Variants in NPY2R observed in about 807,000 individuals in gnomAD.
The protein encoded by NPY2R is neuropeptide Y receptor Y2.
Under a neutral mutation model 22.3 loss-of-function variants are expected in NPY2R, and 17 were observed. That is an observed-to-expected ratio of 0.76 (90% CI 0.52 to 1.14). The LOEUF is 1.14. NPY2R is among the 50% of genes most tolerant of loss of function. The pLI, the probability that NPY2R is intolerant of heterozygous loss-of-function variation, is 0.00. For synonymous variants in NPY2R, 209 were observed against 183.4 expected (o/e 1.14, Z -1.13); for missense variants, 424 against 467.9 (o/e 0.91, Z 0.87).
the NPY2R span, among the ~76,000 whole-genome samples, chr4:155,187,711 C>T: frequency 2.3e-4 from 35 of 152,154 alleles, no homozygotes; most frequent in East Asian, 6.6e-3. Context: ...CAGCATGTGT[C>T]AAATATTTTC....
chr4:155,205,862 C>A (rs2111028775), upstream of NPY2R, among the ~76,000 whole-genome samples: 1 of 141,200 alleles, frequency 7.1e-6, no homozygotes, highest in South Asian at 2.3e-4. Context: ...TCTATGATTT[C>A]TTATTTATTT....
the NPY2R span, among the ~76,000 whole-genome samples, chr4:155,203,326 A>C: frequency 6.6e-6 from 1 of 152,250 alleles, no homozygotes; most frequent in East Asian, 1.9e-4. Flanking sequence ...AGCCTATGAG[A>C]TTTGTGAAGT....
the NPY2R span, chr4:155,174,126 C>T: frequency 6.6e-6 from 1 of 151,836 alleles, no homozygotes; most frequent in African/African-American, 2.4e-5. Context: ...TTCTGGCTTT[C>T]TGATCAGAGT....
At chr4:155,211,256 G>T (rs561307565) in intron 1 of NPY2R, among the ~76,000 whole-genome samples, 15 of 152,330 alleles carry the variant, frequency 9.8e-5, no homozygotes, top group African/African-American at 2.4e-4. Flanking sequence ...TCTTCAAAGA[G>T]ATTGCTGTGG....
the NPY2R span, among the ~76,000 whole-genome samples, chr4:155,203,334 A>G: frequency 6.6e-6 from 1 of 152,154 alleles, no homozygotes; most frequent in African/African-American, 2.4e-5. Flanking sequence ...AGATTTGTGA[A>G]GTTCACGATT....
At chr4:155,185,669 A>AT in the NPY2R span, among the ~76,000 whole-genome samples, 7,351 of 146,580 alleles carry the variant, frequency 0.05, 521 homozygotes, top group African/African-American at 0.16. Context: ...AAAGAAATGC[A>AT]TTTTTTTTTT....
At chr4:155,184,479 C>A in the NPY2R span, among the ~76,000 whole-genome samples, 1 of 152,114 alleles carries the variant, frequency 6.6e-6, no homozygotes. Flanking sequence ...GGCTAAAAAA[C>A]AAAGCTAAGT....
the NPY2R span, among the ~76,000 whole-genome samples, chr4:155,182,165 C>T: frequency 3.3e-4 from 51 of 152,248 alleles, no homozygotes; most frequent in African/African-American, 1.1e-3. Context: ...AATTATATAA[C>T]TCCTCGATTC....
At chr4:155,198,857 C>T in the NPY2R span, among the ~76,000 whole-genome samples, 1 of 151,826 alleles carries the variant, frequency 6.6e-6, no homozygotes, top group East Asian at 1.9e-4. Context: ...TAGCTCTCCA[C>T]ACTTCCTTCC....
At chr4:155,176,813 C>A in the NPY2R span, among the ~76,000 whole-genome samples, 2 of 152,114 alleles carry the variant, frequency 1.3e-5, no homozygotes, top group African/African-American at 4.8e-5. Context: ...GACCCAGTGT[C>A]CCTTCCAAAA....
Position 155,214,756 on chromosome 4 carries a change from G to A in NPY2R, c.817G>A (p.Val273Met), listed in dbSNP as rs1729478966. Residue 273 changes from valine to methionine, a missense_variant, in exon 2 of 2, where the codon GTG becomes ATG. Val to Met is a conservative substitution (Grantham distance 21). Transcript: ENST00000329476. Reference sequence around the variant, plus strand: ...AAAAACCACCAAAATGCTGGTGTGTGTGGTGGTGGTGTTTGCGGTCAGCTG... The same window carrying A: ...AAAAACCACCAAAATGCTGGTGTGTATGGTGGTGGTGTTTGCGGTCAGCTG... ...RQKTTKMLVC[V>M]VVVFAVSWLP... 5.6e-6 allele frequency: 9 copies of A among 1,614,140 alleles called. No individual in the cohort carries two copies. The highest frequency in any genetic ancestry group is 7.6e-6 in the Non-Finnish European group (9 of 1,179,946).
chr4:155,176,905 A>T, the NPY2R span, among the ~76,000 whole-genome samples: 1 of 152,120 alleles, frequency 6.6e-6, no homozygotes, highest in Non-Finnish European at 1.5e-5. Flanking sequence ...GAGGATGAAC[A>T]CTGTGTTCCC....
the NPY2R span, among the ~76,000 whole-genome samples, chr4:155,174,760 A>T: frequency 1.3e-5 from 2 of 151,922 alleles, no homozygotes; most frequent in Non-Finnish European, 2.9e-5. Context: ...GGAAGTGCAA[A>T]TTTGGAGAGT....
upstream of NPY2R, among the ~76,000 whole-genome samples, chr4:155,204,014 C>T (rs1190223092): frequency 6.6e-6 from 1 of 152,156 alleles, no homozygotes; most frequent in Admixed American, 6.5e-5. Flanking sequence ...TGTGCTCTTC[C>T]TCCCTTCCTC....
In NPY2R at chr4:155,213,922, A is replaced by T. The variant is rs779755977; in HGVS notation, c.-18A>T. The T allele has an allele frequency of 3.1e-6, 5 of 1,610,802 alleles. No homozygotes were observed. In the African/African-American group the frequency reaches 6.7e-5, roughly 22 times the overall value. On this transcript the variant is annotated 5_prime_UTR_variant, in exon 2 of 2. It adds an upstream start codon to the 5' untranslated region. Coordinates refer to ENST00000329476, the MANE Select transcript of NPY2R (RefSeq NM_000910.4). ...AGACTCTTGTGCTGGTTGCAGGCCA[A>T]GTGGACCTGTACTGAAAATGGGTCC...
At chr4:155,180,846 CAT>C in the NPY2R span, among the ~76,000 whole-genome samples, 15 of 151,284 alleles carry the variant, frequency 9.9e-5, no homozygotes, top group Non-Finnish European at 1.5e-4. Context: ...CATTTTAAAA[CAT>C]ATTTATTTAT....
At chr4:155,196,743 G>T in the NPY2R span, among the ~76,000 whole-genome samples, 17 of 151,948 alleles carry the variant, frequency 1.1e-4, no homozygotes, top group Admixed American at 4.6e-4. Flanking sequence ...CCCTGTGAGT[G>T]CCTTCCAGAT....
chr4:155,195,181 C>T, the NPY2R span, among the ~76,000 whole-genome samples: 1 of 151,994 alleles, frequency 6.6e-6, no homozygotes, highest in African/African-American at 2.4e-5. Context: ...AACTCTGCAG[C>T]AGCTTCTGAA....
intron 1 of NPY2R, among the ~76,000 whole-genome samples, chr4:155,212,235 G>A (rs548325632): frequency 2.0e-5 from 3 of 152,230 alleles, no homozygotes; most frequent in South Asian, 4.2e-4. Context: ...ATGAACAGTG[G>A]CAGCCTTTTG....
Sources: gnomAD v4.1 joint callset for allele counts (sites outside exome capture counted in the v4.1 genomes callset) on GRCh38, gnomAD v4.1.1 for gene constraint, MANE v1.5 for transcripts, NCBI Gene and HGNC (gene_info 2026-07-23, HGNC 2026-07-21) for gene names.